The following LRP2 variants were observed in gnomAD, a reference collection of about 807,000 sequenced individuals.
LRP2 encodes the protein LDL receptor related protein 2.
Under a neutral mutation model 531.0 loss-of-function variants are expected in LRP2, and 172 were observed. That is an observed-to-expected ratio of 0.32 (90% CI 0.29 to 0.37). LRP2 has a LOEUF of 0.37. LRP2 is among the 10% of genes least tolerant of loss of function. The pLI is 1.00. For missense variants in LRP2, 5,167 were observed against 5,868.3 expected, an observed-to-expected ratio of 0.88 and a Z score of 3.90; for synonymous variants, 1,992 against 2,027.6, an observed-to-expected ratio of 0.98 and a Z score of 0.47.
chr2:169,214,543 GAC>G (rs141617092), intron 35 of LRP2, among the ~76,000 whole-genome samples: 2,694 of 152,304 alleles, frequency 0.018, 83 homozygotes, highest in African/African-American at 0.059. Context: ...ATTGGCGAGA[GAC>G]ACAGTGTGGC....
At position 169,176,522 on chromosome 2, in the gene LRP2, T is replaced by C; in HGVS notation, c.10460A>G (p.Lys3487Arg). The change falls in exon 54 of 79, where the codon AAA (lysine) becomes AGA (arginine). Residue 3487 changes from lysine to arginine, a missense_variant. Coordinates refer to ENST00000649046, the MANE Select transcript of LRP2 (RefSeq NM_004525.3). ...ATCTGGACACTCGCAAGTGAACCCT[T>C]TTCCTCCTGGCTTGATGAGGCAGAG... is the stretch of plus-strand genomic sequence containing the variant. Reference protein sequence around the residue: ...SHLCLIKPGGKGFTCECPDDF... With the variant: ...SHLCLIKPGGRGFTCECPDDF... The C allele has an allele frequency of 6.2e-7, 1 of 1,614,192 alleles. No individual in the cohort carries two copies. The highest frequency in any genetic ancestry group is 1.6e-4 in the Middle Eastern group (1 of 6,062).
At chr2:169,155,833 G>A (rs192602524) in intron 65 of LRP2, among the ~76,000 whole-genome samples, 28 of 152,226 alleles carry the variant, frequency 1.8e-4, no homozygotes, top group Admixed American at 9.2e-4. Flanking sequence ...CCCAATTCAC[G>A]AGCCCTCTTG....
intron 23 of LRP2, 78 bp downstream of exon 23, chr2:169,243,325 C>T (rs1689881191): frequency 6.4e-7 from 1 of 1,554,402 alleles, no homozygotes; most frequent in African/African-American, 1.4e-5. Context: ...TGTGATGTTC[C>T]CCTCCCTGTG....
intron 4 of LRP2, among the ~76,000 whole-genome samples, chr2:169,303,315 C>T (rs891200849): frequency 6.6e-6 from 1 of 152,178 alleles, no homozygotes; most frequent in Non-Finnish European, 1.5e-5. Flanking sequence ...TTTAAGAGCA[C>T]AGGCATATGG....
intron 1 of LRP2, among the ~76,000 whole-genome samples, chr2:169,357,916 A>G (rs1451245466): frequency 6.6e-6 from 1 of 152,126 alleles, no homozygotes; most frequent in Non-Finnish European, 1.5e-5. Flanking sequence ...ACAAAACCCA[A>G]AGATCTTCAG....
chr2:169,237,450 C>T (rs1387144666), intron 27 of LRP2, among the ~76,000 whole-genome samples, 163 bp from the exon 28 acceptor site: 4 of 152,118 alleles, frequency 2.6e-5, no homozygotes, highest in Non-Finnish European at 4.4e-5. Flanking sequence ...AAATCAACAG[C>T]AGGGTTTTCT....
Position 169,206,541 on chromosome 2 carries a change from G to C in LRP2, c.7179C>G (p.Ala2393=). Residue 2393 remains alanine (A), a synonymous_variant, in exon 39 of 79, where the codon GCC becomes GCG. Coordinates refer to ENST00000649046, the MANE Select transcript of LRP2 (RefSeq NM_004525.3). Reference sequence around the variant, plus strand: ...GTAAGCTTCTCAAGGAATTAGACAAGGCAAAGATGAGGAAATTTTCTGTTG... The same window carrying C: ...GTAAGCTTCTCAAGGAATTAGACAACGCAAAGATGAGGAAATTTTCTGTTG... ...AISTENFLIF[A]LSNSLRSLHL... is the part of the protein sequence containing the mutation. 6.2e-7 allele frequency: 1 copy of C among 1,614,188 alleles called. No homozygotes were observed. Among genetic ancestry groups the C allele is most frequent in the South Asian group, 1.1e-5 (1 of 91,076 alleles).
At chr2:169,343,214 C>T (rs983468943) in intron 1 of LRP2, among the ~76,000 whole-genome samples, 5 of 152,152 alleles carry the variant, frequency 3.3e-5, no homozygotes, top group Admixed American at 6.5e-5. Flanking sequence ...AACTTCTTGG[C>T]AACTTTACAT....
chr2:169,181,335 T>C (rs567515031), intron 52 of LRP2, 113 bp downstream of exon 52: 461 of 1,056,038 alleles, frequency 4.4e-4, no homozygotes, highest in Non-Finnish European at 6.2e-4. Flanking sequence ...CCCGAATGAC[T>C]TCCAACAGAC....
chr2:169,307,477 G>A, intron 3 of LRP2, 80 bp from the exon 4 acceptor site: 1 of 893,350 alleles, frequency 1.1e-6, no homozygotes, highest in Non-Finnish European at 1.8e-6. Flanking sequence ...CAAGGATATT[G>A]GAAAGCATAA....
rs1380720514 is a variant in LRP2 at position 169,181,705 on chromosome 2, G to A, written c.9999-87C>T. 8.5e-6 allele frequency: 10 copies of A among 1,181,314 alleles called. No homozygotes were observed. In the East Asian group the frequency reaches 1.9e-4, roughly 22 times the overall value. 73.2% of individuals were successfully genotyped at this position (1,181,314 alleles called of 1,614,324 possible). A position where few individuals can be genotyped will look rare whatever the true frequency, so the allele number is the denominator to read the frequency against. On this transcript the variant is annotated intron_variant, in intron 51 of 78. Transcript: ENST00000649046. ...ACACCTTTTCTCCATTTAGAGAAAT[G>A]GAGTCTGCATTCTGTAGAGCAGACT...
chr2:169,275,119 G>C lies in LRP2; in HGVS notation c.1892C>G (p.Thr631Arg). ...KMAVLKANKF[T>R]ETNPQVYYQA... ...GTAGTACACTTGTGGGTTGGTCTCT[G>C]TGAACTTGTTTGCCTTCAGCACGGC... is the stretch of plus-strand genomic sequence containing the variant. Residue 631 changes from threonine to arginine, a missense_variant, in exon 14 of 79, where the codon ACA becomes AGA. Transcript: ENST00000649046. The C allele has an allele frequency of 6.2e-7, 1 of 1,613,816 alleles. No individual in the cohort carries two copies. The highest frequency in any genetic ancestry group is 1.1e-5 in the South Asian group (1 of 91,076).
At chr2:169,202,289 T>C (rs1251517190) in intron 43 of LRP2, among the ~76,000 whole-genome samples, 1 of 152,210 alleles carries the variant, frequency 6.6e-6, no homozygotes, top group East Asian at 1.9e-4. Flanking sequence ...AGATGGAAGC[T>C]GAGGATTGGA....
At position 169,175,366 on chromosome 2, in the gene LRP2, C is replaced by T; in HGVS notation, c.10595G>A (p.Cys3532Tyr). The T allele has an allele frequency of 6.2e-7, 1 of 1,614,184 alleles. No individual in the cohort carries two copies. Among genetic ancestry groups the T allele is most frequent in the Non-Finnish European group, 8.5e-7 (1 of 1,180,030 alleles). Residue 3532 changes from cysteine (C) to tyrosine (Y), a missense_variant, in exon 55 of 79, where the codon TGT (cysteine) becomes TAT (tyrosine). By Grantham distance (194) the Cys-to-Tyr change is radical. Coordinates refer to ENST00000649046, the MANE Select transcript of LRP2 (RefSeq NM_004525.3). ...ATCTGAGCAGTCTTTCTGTCCATCACATTTCCACCAGATAGGAATGCACCT... is the reference window on the plus strand; with the variant it reads ...ATCTGAGCAGTCTTTCTGTCCATCATATTTCCACCAGATAGGAATGCACCT... ...NEKCIPIWWK[C>Y]DGQKDCSDGS... is the part of the protein sequence containing the mutation.
At chr2:169,205,366 G>T in intron 41 of LRP2, 113 bp downstream of exon 41, 1 of 1,137,298 alleles carries the variant, frequency 8.8e-7, no homozygotes, top group Non-Finnish European at 1.3e-6. Context: ...TCTATATTCT[G>T]GCAATGTCTA....
intron 42 of LRP2, among the ~76,000 whole-genome samples, chr2:169,203,311 A>G (rs1018085563): frequency 6.6e-6 from 1 of 152,238 alleles, no homozygotes; most frequent in Non-Finnish European, 1.5e-5. Flanking sequence ...AAATATCACC[A>G]GAAATATTTC....
chr2:169,307,241 G>A lies in LRP2; in HGVS notation c.427+40C>T, dbSNP rs779437774. 3.7e-6 allele frequency: 5 copies of A among 1,351,246 alleles called. No individual in the cohort carries two copies. The African/African-American group carries it at 7.2e-5, about 19-fold the overall frequency. The allele number at this position is 1,351,246 out of a possible 1,614,324, so 83.7% of individuals were successfully genotyped here. A position where few individuals can be genotyped will look rare whatever the true frequency, so the allele number is the denominator to read the frequency against. ...TTGATTAAAATGCCAAAGGGACAAG[G>A]GTGAAACCAAATACAGTGCAAGGAC... On this transcript the variant is annotated intron_variant, in intron 4 of 78. Coordinates refer to ENST00000649046, the MANE Select transcript of LRP2 (RefSeq NM_004525.3).
intron 40 of LRP2, 124 bp from the exon 41 acceptor site, chr2:169,205,761 C>G (rs182248890): frequency 9.7e-7 from 1 of 1,032,116 alleles, no homozygotes; most frequent in East Asian, 2.5e-5. Context: ...AACTTCATTT[C>G]TACTTACACA....
At chr2:169,260,993 C>T (rs114586942) in intron 16 of LRP2, among the ~76,000 whole-genome samples, 1,551 of 151,984 alleles carry the variant, frequency 0.01, 24 homozygotes, top group African/African-American at 0.036. Context: ...TTTAATTTAG[C>T]AAGAAAGGGA....
Sources: allele counts gnomAD v4.1 joint callset (sites outside exome capture counted in the v4.1 genomes callset), GRCh38; gene constraint gnomAD v4.1.1; transcripts MANE v1.5; gene names NCBI Gene and HGNC (gene_info 2026-07-23, HGNC 2026-07-21).